The following MMP28 variants were observed in gnomAD, a reference collection of about 807,000 sequenced individuals.
The protein encoded by MMP28 is matrix metalloproteinase-28.
Under a neutral mutation model 60.5 loss-of-function variants are expected in MMP28, and 55 were observed. That is an observed-to-expected ratio of 0.91 (90% CI 0.73 to 1.14). The LOEUF (loss-of-function observed/expected upper bound fraction) is 1.14, where lower values mean the gene tolerates loss of function less well. MMP28 is among the 50% of genes most tolerant of loss of function. MMP28 has a pLI of 0.00. For missense variants in MMP28, 686 were observed against 738.3 expected, an observed-to-expected ratio of 0.93 and a Z score of 0.82; for synonymous variants, 318 against 312.5, an observed-to-expected ratio of 1.02 and a Z score of -0.18.
chr17:35,780,305 C>T (rs531967907), intron 1 of MMP28, among the ~76,000 whole-genome samples: 24 of 152,044 alleles, frequency 1.6e-4, no homozygotes, highest in African/African-American at 5.8e-4. Flanking sequence ...TGACCTCAGG[C>T]GGTCCACCCA....
At chr17:35,769,976 G>A in intron 5 of MMP28, 91 bp downstream of exon 5, 1 of 1,419,042 alleles carries the variant, frequency 7.0e-7, no homozygotes, top group Non-Finnish European at 9.3e-7. Flanking sequence ...AGCTTAGGAT[G>A]GGAAATCCTA....
chr17:35,762,287 G>A (rs587694808), downstream of MMP28, among the ~76,000 whole-genome samples: 230 of 152,278 alleles, frequency 1.5e-3, no homozygotes, highest in African/African-American at 5.0e-3. Context: ...ACCGTGCCCC[G>A]CCTAGAAATG....
At position 35,768,234 on chromosome 17, in the gene MMP28, A is replaced by G. The variant is rs1434849997; in HGVS notation, c.996T>C (p.Thr332=). ...GCACCAGTGGGACCTTCTTACCTAC[A>G]GTGATGGCATCGAAGGAAGAGTGGC... ...KYCHSSFDAI[T]VDRQQQLYIF... The change falls in exon 6 of 8, where the codon ACT becomes ACC. Residue 332 remains threonine (T), a synonymous_variant. Transcript: ENST00000605424. 2 of 1,606,804 alleles carry G rather than the reference A, an allele frequency of 1.2e-6. No individual in the cohort carries two copies. The highest frequency in any genetic ancestry group is 2.7e-5 in the African/African-American group (2 of 74,430).
chr17:35,764,718 C>T (rs587723510), downstream of MMP28: 1 of 1,306,058 alleles, frequency 7.7e-7, no homozygotes, highest in African/African-American at 1.6e-5. Flanking sequence ...CGACGCATTC[C>T]GCAGGACCGC....
rs752810494 is a variant in MMP28 at position 35,773,396 on chromosome 17, A to G, written c.388T>C (p.Trp130Arg). The change falls in exon 4 of 8, where the codon TGG becomes CGG. Residue 130 changes from tryptophan (W) to arginine (R), a missense_variant. Transcript: ENST00000605424. ...CGGTAGGAGAGGTGCTGCTTGTACC[A>G]TTTGTTACCTGCCACCCAGAAAGCC... ...KKRFAKQGNK[W>R]YKQHLSYRLV... 1.8e-5 allele frequency: 29 copies of G among 1,593,670 alleles called. No individual in the cohort carries two copies. Among genetic ancestry groups the G allele is most frequent in the Non-Finnish European group, 2.5e-5 (29 of 1,169,820 alleles).
At chr17:35,762,854 G>A (rs142112565), downstream of MMP28, among the ~76,000 whole-genome samples, 499 of 152,042 alleles carry the variant, frequency 3.3e-3, 4 homozygotes, top group African/African-American at 0.011. Context: ...GGCCAGGCGC[G>A]GTGGCTCACG....
chr17:35,778,973 A>C lies in MMP28; in HGVS notation c.294T>G (p.Ser98Arg). ...RPRCGVTDTN[S>R]YAAWAERISD... ...TGATCCTCTCAGCCCAGGCCGCATA[A>C]CTGTTGGTATCTGTAACCCCGCAGC... The change falls in exon 3 of 8, where the codon AGT becomes AGG. Residue 98 changes from serine (S) to arginine (R), a missense_variant. Ser to Arg is a moderately radical substitution (Grantham distance 110). Coordinates refer to ENST00000605424, the MANE Select transcript of MMP28 (RefSeq NM_024302.5). 6.2e-7 allele frequency: 1 copy of C among 1,614,010 alleles called. No homozygotes were observed. Among genetic ancestry groups the C allele is most frequent in the East Asian group, 2.2e-5 (1 of 44,884 alleles).
In MMP28 at chr17:35,773,254, C is replaced by T. The variant is rs758271265; in HGVS notation, c.530G>A (p.Gly177Asp). 1.5e-5 allele frequency: 25 copies of T among 1,614,038 alleles called. No homozygotes were observed. The highest frequency in any genetic ancestry group is 2.5e-6 in the Non-Finnish European group (3 of 1,179,896). ...GAAGGTGAGCCGGATGTCAGCGGGG[C>T]CTGTGGCTGGGGCCTCCCAGAACTC... ...ALEFWEAPATGPADIRLTFFQ... is the reference protein window; with the variant it reads ...ALEFWEAPATDPADIRLTFFQ... The change falls in exon 4 of 8, where the codon GGC (glycine) becomes GAC (aspartate). Residue 177 changes from glycine to aspartate, a missense_variant. Coordinates refer to ENST00000605424, the MANE Select transcript of MMP28 (RefSeq NM_024302.5).
intron 3 of MMP28, among the ~76,000 whole-genome samples, chr17:35,774,152 A>G (rs1450046216): frequency 2.6e-5 from 4 of 151,048 alleles, no homozygotes; most frequent in Non-Finnish European, 4.4e-5. Context: ...CCAAATTGCA[A>G]CTCCTCCCTG....
rs747708036 is a variant in MMP28, at chr17:35,768,263, AT to A, written c.966del (p.Lys322AsnfsTer12). ...ATGGCATCGAAGGAAGAGTGGCAGT[AT>A]TTAGGGCCCTGCGTTTCAGGGCGCC... The part of the protein sequence containing the change: ...QGRRPETQGP[K>X]YCHSSFDAIT... On this transcript the variant is annotated frameshift_variant, in exon 6 of 8. Transcript: ENST00000605424. LOFTEE classifies it high-confidence loss of function. 4.3e-6 allele frequency: 7 copies of A among 1,612,504 alleles called. No homozygotes were observed. The African/African-American group carries it at 5.3e-5, about 12-fold the overall frequency.
chr17:35,770,737 T>TGTGTGTGTA (rs1555605322), intron 4 of MMP28, among the ~76,000 whole-genome samples: 1 of 152,036 alleles, frequency 6.6e-6, no homozygotes, highest in Non-Finnish European at 1.5e-5. Flanking sequence ...TGTGTGTGTG[T>TGTGTGTGTA]GTGTGTGTAC....
intron 3 of MMP28, chr17:35,778,578 A>G: frequency 2.1e-6 from 1 of 474,802 alleles, no homozygotes; most frequent in Non-Finnish European, 3.7e-6. Context: ...CAGTAAATAT[A>G]AATGAAAAAT....
At chr17:35,784,919 C>T (rs1263618174) in intron 1 of MMP28, among the ~76,000 whole-genome samples, 1 of 152,154 alleles carries the variant, frequency 6.6e-6, no homozygotes, top group Non-Finnish European at 1.5e-5. Flanking sequence ...CTTAGGGAGC[C>T]CAAGGCTTGA....
At chr17:35,757,636 T>C (rs1296990400) in intron 2 of MMP28, among the ~76,000 whole-genome samples, 12 of 152,260 alleles carry the variant, frequency 7.9e-5, no homozygotes, top group Admixed American at 3.3e-4. Flanking sequence ...ACTAGCCAGT[T>C]ACATCTTAAT....
At chr17:35,772,380 C>T (rs2086184246) in intron 4 of MMP28, among the ~76,000 whole-genome samples, 1 of 152,190 alleles carries the variant, frequency 6.6e-6, no homozygotes, top group South Asian at 2.1e-4. Flanking sequence ...TGCATGTGTG[C>T]ACTACATGTG....
chr17:35,760,978 G>A (rs782755613), downstream of MMP28: 7 of 1,609,100 alleles, frequency 4.4e-6, no homozygotes, highest in African/African-American at 8.0e-5. Context: ...GAGGCAGGGT[G>A]GGGCTGGAGG....
downstream of MMP28, chr17:35,760,884 G>A: frequency 1.2e-6 from 2 of 1,608,448 alleles, no homozygotes; most frequent in South Asian, 1.1e-5. Flanking sequence ...ATGGGTTCTG[G>A]GCACCCTCTC....
chr17:35,781,013 C>G (rs1218179366), intron 1 of MMP28, among the ~76,000 whole-genome samples: 2 of 152,074 alleles, frequency 1.3e-5, no homozygotes, highest in Non-Finnish European at 2.9e-5. Context: ...GCTTGCCATG[C>G]AATGAGGTGG....
At chr17:35,765,061 A>T (rs2085907893), downstream of MMP28, 1 of 152,396 alleles carries the variant, frequency 6.6e-6, no homozygotes, top group African/African-American at 2.4e-5. Flanking sequence ...ATTCAATAAA[A>T]CCTCTGATCA....
Sources: allele counts gnomAD v4.1 joint callset (sites outside exome capture counted in the v4.1 genomes callset), GRCh38; gene constraint gnomAD v4.1.1; transcripts MANE v1.5; gene names NCBI Gene and HGNC (gene_info 2026-07-23, HGNC 2026-07-21).